CSMD3: variants seen among roughly 807,000 people sequenced by gnomAD.
The protein encoded by CSMD3 is CUB and Sushi multiple domains 3.
CSMD3 carries 177 observed loss-of-function variants against 435.2 expected under a neutral mutation model. That is an observed-to-expected ratio of 0.41 (90% confidence interval 0.36 to 0.46). The LOEUF (loss-of-function observed/expected upper bound fraction) is 0.46. Ranked by LOEUF, CSMD3 falls within the 20% of genes least tolerant of loss-of-function variation. CSMD3 has a pLI of 0.34. For missense variants in CSMD3, 4,265 were observed against 4,504.6 expected (o/e 0.95, Z 1.52); for synonymous variants, 1,656 against 1,520.5 (o/e 1.09, Z -2.07).
chr8:112,575,303 T>C (rs547997535), intron 23 of CSMD3, among the ~76,000 whole-genome samples: 2 of 152,180 alleles, frequency 1.3e-5, no homozygotes, highest in Admixed American at 1.3e-4. Context: ...ATGGAATCTA[T>C]AGACTCACGT....
chr8:112,648,770 G>T (rs1706292214), intron 19 of CSMD3, among the ~76,000 whole-genome samples: 1 of 151,964 alleles, frequency 6.6e-6, no homozygotes, highest in Non-Finnish European at 1.5e-5. Context: ...TTTCTTTCGT[G>T]GTGAATGCTC....
At chr8:112,957,244 T>G (rs1167515934) in intron 7 of CSMD3, among the ~76,000 whole-genome samples, 1 of 152,164 alleles carries the variant, frequency 6.6e-6, no homozygotes, top group East Asian at 1.9e-4. Flanking sequence ...AATGACCATA[T>G]TTAACTTAGA....
intron 11 of CSMD3, 125 bp from the exon 12 acceptor site, chr8:112,829,914 C>T (rs2079816339): frequency 1.6e-6 from 1 of 623,582 alleles, no homozygotes; most frequent in South Asian, 1.8e-5. Flanking sequence ...CACACACACA[C>T]ACACACACAC....
chr8:113,315,155 C>T (rs1019328420), intron 1 of CSMD3, among the ~76,000 whole-genome samples: 2 of 152,078 alleles, frequency 1.3e-5, no homozygotes, highest in Non-Finnish European at 2.9e-5. Context: ...AGCTCATAAA[C>T]AACACTGACA....
chr8:113,325,952 A>G (rs946612390), intron 1 of CSMD3, among the ~76,000 whole-genome samples: 1 of 152,170 alleles, frequency 6.6e-6, no homozygotes, highest in Admixed American at 6.6e-5. Flanking sequence ...TCTTCCTAAC[A>G]TATTTCTCTA....
chr8:113,243,922 G>A (rs1319703700), intron 3 of CSMD3, among the ~76,000 whole-genome samples: 1 of 152,086 alleles, frequency 6.6e-6, no homozygotes, highest in Non-Finnish European at 1.5e-5. Context: ...AATGGGTATT[G>A]AAAACTTTGC....
In CSMD3 at chr8:112,638,828, G is replaced by T; in HGVS notation, c.3394C>A (p.Pro1132Thr). ...LITENGSFTQ[P>T]LARLTGSDLP... is the part of the protein sequence containing the mutation. The stretch of plus-strand genomic sequence containing the variant: ...TCTGAACCAGTCAGGCGTGCCAGTG[G>T]TTGGGTAAAACTGCCATTCTCTGTG... Residue 1132 changes from proline (P) to threonine (T), a missense_variant, in exon 21 of 71, where the codon CCA becomes ACA. Around this residue, in one of 3 missense-constraint regions of CSMD3, gnomAD observed 3,255 missense variants for 3,380.2 expected, o/e 0.96. Transcript: ENST00000297405. The T allele has an allele frequency of 6.2e-7, 1 of 1,612,810 alleles. No homozygotes were observed. The highest frequency in any genetic ancestry group is 1.1e-5 in the South Asian group (1 of 91,052).
chr8:113,311,300 G>T (rs1009848474), intron 2 of CSMD3: 7 of 152,092 alleles, frequency 4.6e-5, no homozygotes, highest in African/African-American at 1.7e-4. Flanking sequence ...ATAACTTACA[G>T]AAAAACAAGT....
At chr8:113,376,537 GTAT>G in intron 1 of CSMD3, 1 of 578,758 alleles carries the variant, frequency 1.7e-6, no homozygotes, top group Non-Finnish European at 3.0e-6. Context: ...TGTCTTTTCT[GTAT>G]TATTTATGCG....
chr8:113,293,549 A>C (rs1471306181), intron 2 of CSMD3, among the ~76,000 whole-genome samples: 1 of 152,108 alleles, frequency 6.6e-6, no homozygotes, highest in Non-Finnish European at 1.5e-5. Context: ...TATGTGCCAC[A>C]GTAGTGCATG....
At chr8:112,791,046 G>C (rs2078675583) in intron 13 of CSMD3, among the ~76,000 whole-genome samples, 1 of 152,124 alleles carries the variant, frequency 6.6e-6, no homozygotes, top group Admixed American at 6.6e-5. Flanking sequence ...ATTAAGGCCA[G>C]GCACGGTGGC....
intron 10 of CSMD3, among the ~76,000 whole-genome samples, chr8:112,907,794 T>C (rs1025712893): frequency 2.6e-5 from 4 of 151,424 alleles, no homozygotes; most frequent in African/African-American, 7.3e-5. Flanking sequence ...TTGAATGATA[T>C]AGCAATGAAT....
chr8:113,090,820 G>A (rs539648772), intron 5 of CSMD3, among the ~76,000 whole-genome samples: 1 of 152,148 alleles, frequency 6.6e-6, no homozygotes, highest in African/African-American at 2.4e-5. Context: ...ATACTGCCCA[G>A]CAATCCTTTG....
At chr8:113,202,019 G>C (rs2092720872) in intron 3 of CSMD3, among the ~76,000 whole-genome samples, 1 of 152,024 alleles carries the variant, frequency 6.6e-6, no homozygotes, top group Non-Finnish European at 1.5e-5. Flanking sequence ...CACAAAGCTG[G>C]AGAAAAGTAA....
intron 6 of CSMD3, among the ~76,000 whole-genome samples, chr8:113,018,108 C>G (rs1393706436): frequency 6.6e-6 from 1 of 151,968 alleles, no homozygotes; most frequent in East Asian, 1.9e-4. Flanking sequence ...TACAGTGATA[C>G]TCAGTGCACT....
At chr8:112,851,095 G>C (rs1030920037) in intron 11 of CSMD3, among the ~76,000 whole-genome samples, 3 of 151,406 alleles carry the variant, frequency 2.0e-5, no homozygotes, top group Non-Finnish European at 4.4e-5. Context: ...TTTTATTATT[G>C]GATATGCTTA....
At chr8:112,827,457 G>T (rs972552310) in intron 12 of CSMD3, among the ~76,000 whole-genome samples, 8 of 151,564 alleles carry the variant, frequency 5.3e-5, no homozygotes, top group African/African-American at 1.9e-4. Flanking sequence ...ATGTTTTTAA[G>T]AATCTGAACC....
At chr8:112,416,799 A>G (rs1266052341) in intron 32 of CSMD3, among the ~76,000 whole-genome samples, 1 of 152,068 alleles carries the variant, frequency 6.6e-6, no homozygotes, top group African/African-American at 2.4e-5. Context: ...ATGGCATGAC[A>G]GTGTCAGAAA....
chr8:112,833,723 C>T (rs895872226), intron 11 of CSMD3, among the ~76,000 whole-genome samples: 24 of 151,330 alleles, frequency 1.6e-4, no homozygotes, highest in African/African-American at 5.1e-4. Flanking sequence ...TGTAGGTTTG[C>T]ATGGTATTCA....
Sources: allele counts gnomAD v4.1 joint callset (sites outside exome capture counted in the v4.1 genomes callset), GRCh38; gene constraint gnomAD v4.1.1; regional missense constraint gnomAD v4.1.1; transcripts MANE v1.5; gene names NCBI Gene and HGNC (gene_info 2026-07-23, HGNC 2026-07-21).